Variants in STXBP5 observed in about 807,000 individuals in gnomAD.
STXBP5 encodes syntaxin-binding protein 5.
Under a neutral mutation model 152.4 loss-of-function variants are expected in STXBP5, and 50 were observed. The ratio of observed to expected loss-of-function variants is 0.33; its 90% CI spans 0.26 to 0.42. STXBP5 has a LOEUF of 0.42. STXBP5 is among the 10% of genes least tolerant of loss of function. The pLI is 1.00. For missense variants in STXBP5, 1,167 were observed against 1,388.6 expected, an observed-to-expected ratio of 0.84 and a Z score of 2.54; for synonymous variants, 492 against 494.7, an observed-to-expected ratio of 0.99 and a Z score of 0.07.
Position 147,363,378 on chromosome 6 carries a change from T to G in STXBP5, c.2589T>G (p.Phe863Leu). The G allele has an allele frequency of 6.2e-7, 1 of 1,610,450 alleles. No homozygotes were observed. The stretch of plus-strand genomic sequence containing the variant: ...AAGGTGCAATCTTGAGAATGGCATT[T>G]CTGGATACCACAGGCTGCTTAATAC... ...RLKGAILRMA[F>L]LDTTGCLIPP... The change falls in exon 24 of 28, where the codon TTT (phenylalanine) becomes TTG (leucine). Residue 863 changes from phenylalanine to leucine, a missense_variant. By Grantham distance (22) the Phe-to-Leu change is conservative (BLOSUM62 0). Transcript: ENST00000321680.
intron 2 of STXBP5, among the ~76,000 whole-genome samples, chr6:147,219,293 C>CT (rs1270048738): frequency 1.3e-5 from 2 of 152,024 alleles, no homozygotes; most frequent in Non-Finnish European, 2.9e-5. Flanking sequence ...CTGTGTGATT[C>CT]TTTTTATACA....
In STXBP5 at chr6:147,311,505, C is replaced by G; in HGVS notation, c.1123C>G (p.Leu375Val). 1 of 1,611,624 alleles carries G rather than the reference C, an allele frequency of 6.2e-7. No homozygotes were observed. The highest frequency in any genetic ancestry group is 1.1e-5 in the South Asian group (1 of 90,734). The change falls in exon 11 of 28, where the codon CTT becomes GTT. Residue 375 changes from leucine (L) to valine (V), a missense_variant. Coordinates refer to ENST00000321680, the MANE Select transcript of STXBP5 (RefSeq NM_001127715.4). ...TGTTCTTCTAGAAAAGGATTTAGTACTTATAGACCTTGCACAAAATGGGTA... is the reference window on the plus strand; with the variant it reads ...TGTTCTTCTAGAAAAGGATTTAGTAGTTATAGACCTTGCACAAAATGGGTA... ...VVVLLEKDLV[L>V]IDLAQNGYPI...
At chr6:147,313,072 T>C (rs2128372689) in intron 11 of STXBP5, among the ~76,000 whole-genome samples, 1 of 152,248 alleles carries the variant, frequency 6.6e-6, no homozygotes, top group East Asian at 1.9e-4. Flanking sequence ...ATGCATGTTG[T>C]TTGTGTTTGG....
chr6:147,291,298 T>C (rs1199568990), intron 9 of STXBP5, 126 bp downstream of exon 9: 3 of 611,718 alleles, frequency 4.9e-6, no homozygotes, highest in Non-Finnish European at 5.1e-6. Flanking sequence ...ATTTTATGCT[T>C]TTTTTATTTA....
intron 23 of STXBP5, among the ~76,000 whole-genome samples, chr6:147,361,660 A>G (rs1258131268): frequency 6.6e-6 from 1 of 152,160 alleles, no homozygotes; most frequent in Non-Finnish European, 1.5e-5. Context: ...CTAAAGTCCC[A>G]TCAACTATAG....
At chr6:147,234,601 A>G (rs1457526287) in intron 2 of STXBP5, among the ~76,000 whole-genome samples, 1 of 151,948 alleles carries the variant, frequency 6.6e-6, no homozygotes. Context: ...CATTTTCATA[A>G]TAATGCCTAA....
intron 2 of STXBP5, among the ~76,000 whole-genome samples, chr6:147,220,789 A>G (rs933164205): frequency 1.3e-5 from 2 of 152,156 alleles, no homozygotes; most frequent in Non-Finnish European, 2.9e-5. Flanking sequence ...CAGACAGCGT[A>G]TAGCTGGGTC....
At chr6:147,221,293 G>A (rs1777448207) in intron 2 of STXBP5, among the ~76,000 whole-genome samples, 1 of 151,896 alleles carries the variant, frequency 6.6e-6, no homozygotes, top group South Asian at 2.1e-4. Context: ...CATTGTTGCT[G>A]TTATTATTTT....
chr6:147,237,935 T>G (rs1778359131), intron 3 of STXBP5, among the ~76,000 whole-genome samples: 1 of 152,232 alleles, frequency 6.6e-6, no homozygotes, highest in East Asian at 1.9e-4. Context: ...GATAGATTTC[T>G]GAGTCCTTTG....
intron 8 of STXBP5, 78 bp downstream of exon 8, chr6:147,278,282 T>C: frequency 1.5e-6 from 2 of 1,353,498 alleles, no homozygotes; most frequent in South Asian, 1.9e-5. Context: ...CATTCTGATT[T>C]GTTTGTTTGA....
chr6:147,273,578 A>G (rs904273944), intron 7 of STXBP5, among the ~76,000 whole-genome samples: 12 of 152,286 alleles, frequency 7.9e-5, no homozygotes, highest in Non-Finnish European at 1.5e-4. Flanking sequence ...TATTGGTAGT[A>G]AAATATGACA....
rs114599986 is a variant in STXBP5, at chr6:147,230,109, G to C, written c.249-5141G>C. On this transcript the variant is annotated intron_variant, in intron 2 of 27. Coordinates refer to ENST00000321680, the MANE Select transcript of STXBP5 (RefSeq NM_001127715.4). ...TGTCAGATTTTTTTCTACACCCGTTGAGATATGTGGTTGTGCTCTGTATTC... is the reference window on the plus strand; with the variant it reads ...TGTCAGATTTTTTTCTACACCCGTTCAGATATGTGGTTGTGCTCTGTATTC... Among the ~76,000 whole-genome samples, 1,236 of 151,962 alleles carry C rather than the reference G, an allele frequency of 8.1e-3. 20 individuals are homozygous for C. Among genetic ancestry groups the C allele is most frequent in the African/African-American group, 0.029 (1,188 of 41,486 alleles).
intron 18 of STXBP5, among the ~76,000 whole-genome samples, chr6:147,331,805 T>TAAAAAAAA (rs758010688): frequency 8.7e-6 from 1 of 115,410 alleles, no homozygotes; most frequent in African/African-American, 3.1e-5. Flanking sequence ...TTCTACCAGT[T>TAAAAAAAA]AAAAAAAAAA....
intron 21 of STXBP5, chr6:147,351,872 A>G (rs1383977913): frequency 4.1e-6 from 4 of 985,264 alleles, no homozygotes; most frequent in Non-Finnish European, 4.8e-6. Flanking sequence ...CTTTGTTTAC[A>G]TGGCGCCCTT....
At chr6:147,380,482 C>T (rs1786032229) in intron 26 of STXBP5, among the ~76,000 whole-genome samples, 1 of 150,740 alleles carries the variant, frequency 6.6e-6, no homozygotes, top group African/African-American at 2.4e-5. Flanking sequence ...ATGTTGGGCC[C>T]CAGCTTCACA....
At chr6:147,326,672 C>G (rs1447854370) in intron 17 of STXBP5, among the ~76,000 whole-genome samples, 4 of 152,074 alleles carry the variant, frequency 2.6e-5, no homozygotes, top group African/African-American at 9.7e-5. Context: ...TAGAACACCC[C>G]AAAGGGCCTC....
At chr6:147,270,594 C>T (rs191299608) in intron 7 of STXBP5, among the ~76,000 whole-genome samples, 2 of 151,830 alleles carry the variant, frequency 1.3e-5, no homozygotes, top group African/African-American at 4.8e-5. Flanking sequence ...AAGAATTAAT[C>T]ACTTGCAGAC....
At chr6:147,313,429 A>G (rs1265337538) in intron 11 of STXBP5, among the ~76,000 whole-genome samples, 10 of 152,198 alleles carry the variant, frequency 6.6e-5, no homozygotes, top group African/African-American at 2.4e-4. Context: ...AACAAGAAAA[A>G]TATTCTGAAT....
chr6:147,281,942 A>G (rs1247061363), intron 8 of STXBP5, among the ~76,000 whole-genome samples: 1 of 152,212 alleles, frequency 6.6e-6, no homozygotes, highest in Non-Finnish European at 1.5e-5. Flanking sequence ...CATGAATACA[A>G]ATAATAATGA....
Sources: gnomAD v4.1 joint callset for allele counts (sites outside exome capture counted in the v4.1 genomes callset) on GRCh38, gnomAD v4.1.1 for gene constraint, MANE v1.5 for transcripts, NCBI Gene and HGNC (gene_info 2026-07-23, HGNC 2026-07-21) for gene names.